C9orf85: variants seen among roughly 807,000 people sequenced by gnomAD.
C9orf85 encodes the protein chromosome 9 open reading frame 85, also known as uncharacterized protein C9orf85.
Under a neutral mutation model 14.9 loss-of-function variants are expected in C9orf85, and 16 were observed. The ratio of observed to expected loss-of-function variants is 1.08; its 90% CI spans 0.73 to 1.63. The LOEUF (loss-of-function observed/expected upper bound fraction) is 1.63. Ranked by LOEUF, C9orf85 falls within the 40% of genes most tolerant of loss-of-function variation. The pLI is 0.00. For missense variants in C9orf85, 172 were observed against 186.1 expected, an observed-to-expected ratio of 0.92 and a Z score of 0.44; for synonymous variants, 45 against 56.8, an observed-to-expected ratio of 0.79 and a Z score of 0.93.
chr9:71,970,288 G>T (rs1822824465), intron 2 of C9orf85, among the ~76,000 whole-genome samples: 1 of 152,088 alleles, frequency 6.6e-6, no homozygotes, highest in African/African-American at 2.4e-5. Context: ...TGGTTTCATG[G>T]CCCAGAATAT....
chr9:71,976,158 A>G (rs889798617), downstream of C9orf85, among the ~76,000 whole-genome samples: 1 of 152,202 alleles, frequency 6.6e-6, no homozygotes, highest in African/African-American at 2.4e-5. Flanking sequence ...CTTCTAGTCC[A>G]AAAGCTGTTT....
intron 2 of C9orf85, among the ~76,000 whole-genome samples, chr9:71,947,543 C>T (rs1822132465): frequency 6.6e-6 from 1 of 152,010 alleles, no homozygotes; most frequent in South Asian, 2.1e-4. Flanking sequence ...AGAAGTGAAT[C>T]ACTAGATTGA....
At chr9:71,922,746 A>G (rs1827844254) in intron 1 of C9orf85, among the ~76,000 whole-genome samples, 1 of 152,242 alleles carries the variant, frequency 6.6e-6, no homozygotes, top group Non-Finnish European at 1.5e-5. Flanking sequence ...TCTGTCCAAC[A>G]TCTGACATCT....
intron 2 of C9orf85, among the ~76,000 whole-genome samples, chr9:71,970,751 AT>A (rs1265370082): frequency 1.3e-5 from 2 of 151,992 alleles, no homozygotes; most frequent in Non-Finnish European, 2.9e-5. Flanking sequence ...GCCAGCTGGA[AT>A]TTTAATAGAG....
At chr9:71,913,568 AC>A (rs1199989255) in intron 1 of C9orf85, among the ~76,000 whole-genome samples, 1 of 152,242 alleles carries the variant, frequency 6.6e-6, no homozygotes, top group Non-Finnish European at 1.5e-5. Context: ...ATTTGGGAAG[AC>A]TTTCCCAAGT....
intron 1 of C9orf85, among the ~76,000 whole-genome samples, chr9:71,932,287 G>A (rs559657652): frequency 4.6e-5 from 7 of 152,198 alleles, no homozygotes; most frequent in African/African-American, 1.7e-4. Flanking sequence ...TTTCATAGAA[G>A]CTCATTCTAT....
intron 2 of C9orf85, among the ~76,000 whole-genome samples, chr9:71,968,960 AGGTGACTCAGGTCAGAGTAGGTGACCAGG>A (rs1423579837): frequency 1.3e-5 from 2 of 152,136 alleles, no homozygotes; most frequent in Non-Finnish European, 2.9e-5. Flanking sequence ...AGGTGACTAA[AGGTGACTCAGGTCAGAGTAGGTGACCAGG>A]GGTGACTCAG....
At chr9:71,951,823 G>A (rs1822252098) in intron 2 of C9orf85, among the ~76,000 whole-genome samples, 1 of 151,898 alleles carries the variant, frequency 6.6e-6, no homozygotes, top group South Asian at 2.1e-4. Context: ...TCGATATGGA[G>A]CTGAATTGTT....
intron 2 of C9orf85, among the ~76,000 whole-genome samples, chr9:71,954,989 A>G (rs1471913092): frequency 6.6e-6 from 1 of 152,172 alleles, no homozygotes; most frequent in Non-Finnish European, 1.5e-5. Context: ...GTTAAAGATA[A>G]TATTTTATTA....
intron 2 of C9orf85, among the ~76,000 whole-genome samples, chr9:71,970,989 A>G (rs1822847458): frequency 1.3e-5 from 2 of 152,208 alleles, no homozygotes; most frequent in Middle Eastern, 3.4e-3. Context: ...TCCTGATCTC[A>G]GGTGATCTGC....
intron 1 of C9orf85, chr9:71,912,071 G>C (rs1827514585): frequency 5.7e-6 from 3 of 527,914 alleles, no homozygotes; most frequent in Non-Finnish European, 1.1e-5. Context: ...TGCACAGAGT[G>C]AACAGGACCC....
At chr9:71,975,354 T>C (rs920862719), downstream of C9orf85, among the ~76,000 whole-genome samples, 1 of 149,900 alleles carries the variant, frequency 6.7e-6, no homozygotes, top group Non-Finnish European at 1.5e-5. Context: ...GGCAGGAGAA[T>C]CGCTTGAACC....
chr9:71,947,642 T>TTTTC (rs1199796125), intron 2 of C9orf85, among the ~76,000 whole-genome samples: 4 of 152,068 alleles, frequency 2.6e-5, no homozygotes, highest in Non-Finnish European at 5.9e-5. Flanking sequence ...CCTTTTTTTT[T>TTTTC]TTTCTTTCTT....
At chr9:71,932,146 C>T (rs1828084768) in intron 1 of C9orf85, among the ~76,000 whole-genome samples, 1 of 152,162 alleles carries the variant, frequency 6.6e-6, no homozygotes, top group Admixed American at 6.5e-5. Flanking sequence ...ATTTGATGCT[C>T]AGATCTGATA....
chr9:71,963,480 C>T (rs1481248403), intron 2 of C9orf85, among the ~76,000 whole-genome samples: 1 of 152,198 alleles, frequency 6.6e-6, no homozygotes, highest in Non-Finnish European at 1.5e-5. Context: ...ATTGTGGTAG[C>T]CCCTTTCTGG....
chr9:71,979,897 C>G (rs902940264), intron 3 of C9orf85, among the ~76,000 whole-genome samples: 14 of 152,120 alleles, frequency 9.2e-5, no homozygotes, highest in Non-Finnish European at 1.6e-4. Flanking sequence ...TCTAAATTTG[C>G]ATTTTAAATT....
At chr9:71,932,361 G>T (rs548427701) in intron 1 of C9orf85, among the ~76,000 whole-genome samples, 1 of 152,254 alleles carries the variant, frequency 6.6e-6, no homozygotes, top group South Asian at 2.1e-4. Context: ...TCCCTTAACT[G>T]TAGGTTGTCA....
chr9:71,942,420 G>A (rs773215452), intron 1 of C9orf85, among the ~76,000 whole-genome samples: 5 of 152,094 alleles, frequency 3.3e-5, no homozygotes, highest in Non-Finnish European at 5.9e-5. Flanking sequence ...TTTCATTTGT[G>A]GCCCATCTCT....
rs143222289 is a variant in C9orf85, at chr9:71,948,283, T to C, written c.209+1171T>C. The stretch of plus-strand genomic sequence containing the variant: ...TTAGAAAATCAGTCTAAATAATAGA[T>C]ACAATATGACCTTTGTTTATATCTA... On this transcript the variant is annotated intron_variant, in intron 2 of 3. Transcript: ENST00000334731. Among the ~76,000 whole-genome samples the C allele has an allele frequency of 6.3e-3, 961 of 152,312 alleles. 5 individuals are homozygous for C. The highest frequency in any genetic ancestry group is 1.0e-2 in the Non-Finnish European group (680 of 68,020).
Sources: allele counts gnomAD v4.1 joint callset (sites outside exome capture counted in the v4.1 genomes callset), GRCh38; gene constraint gnomAD v4.1.1; transcripts MANE v1.5; gene names NCBI Gene and HGNC (gene_info 2026-07-23, HGNC 2026-07-21).